Variants in TNFRSF1B observed in about 807,000 individuals in gnomAD.
TNFRSF1B encodes tumor necrosis factor receptor superfamily member 1B.
A neutral mutation model predicts 44.6 loss-of-function variants in TNFRSF1B; 19 were observed. The observed-to-expected ratio is 0.43, with a 90% confidence interval of 0.30 to 0.62. The LOEUF is 0.62. Among genes scored for constraint, TNFRSF1B ranks in the 20% least tolerant of loss-of-function variants. The probability of loss-of-function intolerance (pLI) is 0.16; values close to 1 mark genes in which losing one functional copy is unlikely to be tolerated. For synonymous variants in TNFRSF1B, 252 were observed against 261.1 expected, an observed-to-expected ratio of 0.97 and a Z score of 0.34; for missense variants, 541 against 619.9, an observed-to-expected ratio of 0.87 and a Z score of 1.35.
At position 12,188,886 on chromosome 1, in the gene TNFRSF1B, T is replaced by C. The variant is rs1332720561; in HGVS notation, c.169T>C (p.Cys57Arg). Residue 57 changes from cysteine to arginine, a missense_variant, in exon 2 of 10, where the codon TGC becomes CGC. By Grantham distance (180) the Cys-to-Arg change is radical. Transcript: ENST00000376259. ...DQTAQMCCSK[C>R]SPGQHAKVFC... Reference sequence around the variant, plus strand: ...GACAGCTCAGATGTGCTGCAGCAAATGCTCGCCGGGTGAGGGCAGCCACGG... The same window carrying C: ...GACAGCTCAGATGTGCTGCAGCAAACGCTCGCCGGGTGAGGGCAGCCACGG... 1.2e-6 allele frequency: 2 copies of C among 1,613,176 alleles called. No homozygotes were observed. The highest frequency in any genetic ancestry group is 8.5e-7 in the Non-Finnish European group (1 of 1,179,688).
Position 12,177,975 on chromosome 1 carries a change from A to G in TNFRSF1B, c.78+10806A>G, listed in dbSNP as rs1344466190. Reference sequence around the variant, plus strand: ...AGCACAGAGATTAACTGACGTACTTAGGGTTTTGCAGCTCACTAGAGGCAG... The same window carrying G: ...AGCACAGAGATTAACTGACGTACTTGGGGTTTTGCAGCTCACTAGAGGCAG... On this transcript the variant is annotated intron_variant, in intron 1 of 9. Transcript: ENST00000376259. This position sits in a 1 kb window ranked among gnomAD's most constrained non-coding sequence, Gnocchi z 4.3. Among the ~76,000 whole-genome samples, 1 of 152,122 alleles carries G rather than the reference A, an allele frequency of 6.6e-6. No individual in the cohort carries two copies. Among genetic ancestry groups the G allele is most frequent in the African/African-American group, 2.4e-5 (1 of 41,404 alleles).
chr1:12,172,775 A>G (rs537745072), intron 1 of TNFRSF1B, among the ~76,000 whole-genome samples: 2 of 152,236 alleles, frequency 1.3e-5, no homozygotes, highest in African/African-American at 2.4e-5. Context: ...CTGTGGGGTC[A>G]GGATATCCCC....
At chr1:12,188,690 C>G in intron 1 of TNFRSF1B, 106 bp from the exon 2 acceptor site, 7 of 1,036,130 alleles carry the variant, frequency 6.8e-6, no homozygotes, top group Non-Finnish European at 1.0e-5. Flanking sequence ...TCAGTGCAGA[C>G]TGGCAGGGGG....
At position 12,180,258 on chromosome 1, in the gene TNFRSF1B, G is replaced by A. The variant is rs1050354016; in HGVS notation, c.79-8538G>A. 2.3e-4 allele frequency among the ~76,000 whole-genome samples: 35 copies of A among 152,086 alleles called. No individual in the cohort carries two copies. The highest frequency in any genetic ancestry group is 8.2e-4 in the African/African-American group (34 of 41,412). On this transcript the variant is annotated intron_variant, in intron 1 of 9. Transcript: ENST00000376259. This position sits in a 1 kb window ranked among gnomAD's most constrained non-coding sequence, Gnocchi z 4.3. ...CAGTCTGGACAACATAGCAAGACCC[G>A]GTCTCTTTCTATAAATGAAAAAATA... is the stretch of plus-strand genomic sequence containing the variant.
chr1:12,198,325 A>T (rs1359404576), intron 8 of TNFRSF1B, among the ~76,000 whole-genome samples: 1 of 151,982 alleles, frequency 6.6e-6, no homozygotes, highest in Non-Finnish European at 1.5e-5. Flanking sequence ...GTCCCCCATT[A>T]TATGGCCCAA....
chr1:12,198,691 G>GTTGTTTTTTTTT (rs1553165108), intron 8 of TNFRSF1B, among the ~76,000 whole-genome samples: 8 of 85,630 alleles, frequency 9.3e-5, no homozygotes, highest in African/African-American at 3.7e-4. Context: ...CTGGAATTCT[G>GTTGTTTTTTTTT]TTTTTTTTTT....
intron 8 of TNFRSF1B, among the ~76,000 whole-genome samples, chr1:12,200,094 G>A (rs1639353424): frequency 6.6e-6 from 1 of 152,110 alleles, no homozygotes; most frequent in Non-Finnish European, 1.5e-5. Flanking sequence ...ATTTAGCCCA[G>A]CCACAGTATG....
At chr1:12,206,492 TC>T (rs973042628) in intron 9 of TNFRSF1B, among the ~76,000 whole-genome samples, 27 of 152,246 alleles carry the variant, frequency 1.8e-4, no homozygotes, top group Non-Finnish European at 2.8e-4. Context: ...AATTGGCTCC[TC>T]CCATCTCTGG....
intron 1 of TNFRSF1B, among the ~76,000 whole-genome samples, chr1:12,183,747 A>AGC (rs1557629238): frequency 0.013 from 1,614 of 124,898 alleles, 54 homozygotes; most frequent in African/African-American, 0.024. Flanking sequence ...CTATCTATCT[A>AGC]TCTAGCTAGC....
Position 12,188,779 on chromosome 1 carries a change from TC to T in TNFRSF1B, c.79-14del. 1.2e-6 allele frequency: 2 copies of T among 1,611,870 alleles called. No homozygotes were observed. Among genetic ancestry groups the T allele is most frequent in the Non-Finnish European group, 1.7e-6 (2 of 1,178,658 alleles). On this transcript the variant is annotated splice_polypyrimidine_tract_variant and intron_variant, in intron 1 of 9. Coordinates refer to ENST00000376259, the MANE Select transcript of TNFRSF1B (RefSeq NM_001066.3). ...GGGGCGGCCCTGTTGATGGCAGTCTTCCCTTCTTCCTTCCAGGTGGCATTTA... is the reference window on the plus strand; with the variant it reads ...GGGGCGGCCCTGTTGATGGCAGTCTTCCTTCTTCCTTCCAGGTGGCATTTA...
intron 1 of TNFRSF1B, among the ~76,000 whole-genome samples, chr1:12,173,697 T>C (rs976881): frequency 0.72 from 109,116 of 152,110 alleles, 39,398 homozygotes; most frequent in East Asian, 0.82. Flanking sequence ...CCTTTGTCGC[T>C]GGTAATGGGT....
chr1:12,200,722 A>C (rs538433435), intron 8 of TNFRSF1B, among the ~76,000 whole-genome samples: 1 of 152,250 alleles, frequency 6.6e-6, no homozygotes, highest in East Asian at 1.9e-4. Context: ...TCCCAGGTTC[A>C]AGCGATTCTC....
At chr1:12,185,588 G>T (rs1638967685) in intron 1 of TNFRSF1B, among the ~76,000 whole-genome samples, 1 of 152,184 alleles carries the variant, frequency 6.6e-6, no homozygotes, top group African/African-American at 2.4e-5. Context: ...CTCCAGACGG[G>T]GGTTACTTCT....
intron 7 of TNFRSF1B, 133 bp from the exon 8 acceptor site, chr1:12,194,451 T>C (rs1639221093): frequency 1.6e-5 from 14 of 883,916 alleles, no homozygotes; most frequent in Middle Eastern, 4.6e-4. Flanking sequence ...CTGTGGACCT[T>C]GTCTGGTAGG....
chr1:12,192,323 A>G, intron 4 of TNFRSF1B, 108 bp from the exon 5 acceptor site: 1 of 875,664 alleles, frequency 1.1e-6, no homozygotes, highest in Non-Finnish European at 1.9e-6. Context: ...GTGGAGGTGC[A>G]GACAGAGCTC....
intron 1 of TNFRSF1B, among the ~76,000 whole-genome samples, chr1:12,172,263 C>A (rs1000949533): frequency 1.3e-5 from 2 of 152,214 alleles, no homozygotes; most frequent in African/African-American, 4.8e-5. Context: ...ACTGATGACT[C>A]TGGGGAAAGG....
At position 12,208,139 on chromosome 1, in the gene TNFRSF1B, C is replaced by G. The variant is rs1237523207; in HGVS notation, c.*1119C>G. The stretch of plus-strand genomic sequence containing the variant: ...TCTGCCAGCCACATCCAACCCCCCA[C>G]CTGCCATTTGCACCCTCCGCCTTCA... On this transcript the variant is annotated 3_prime_UTR_variant, in exon 10 of 10. Coordinates refer to ENST00000376259, the MANE Select transcript of TNFRSF1B (RefSeq NM_001066.3). The G allele has an allele frequency of 6.5e-6, 1 of 153,102 alleles. No individual in the cohort carries two copies. Among genetic ancestry groups the G allele is most frequent in the Non-Finnish European group, 1.5e-5 (1 of 68,234 alleles). The allele number at this position is 153,102 out of a possible 1,614,324, so 9.5% of individuals were successfully genotyped here.
Position 12,187,097 on chromosome 1 carries a change from T to C in TNFRSF1B, c.79-1699T>C, listed in dbSNP as rs374747671. Among the ~76,000 whole-genome samples the C allele has an allele frequency of 3.6e-4, 55 of 151,418 alleles. 2 individuals are homozygous for C. Among genetic ancestry groups the C allele is most frequent in the African/African-American group, 8.5e-4 (35 of 41,252 alleles). ...CGAGAGAGGAGGGCTCTGCGTCTGC[T>C]CCTCTGTCCAGGGCTGTAGCTTCTC... On this transcript the variant is annotated intron_variant, in intron 1 of 9. Transcript: ENST00000376259. This position sits in a 1 kb window ranked among gnomAD's most constrained non-coding sequence, Gnocchi z 5.5.
rs78153821 is a variant in TNFRSF1B, at chr1:12,198,517, C to T, written c.901-3450C>T. Reference sequence around the variant, plus strand: ...CACGTGTGCACGCTTCACACCCTCACGCCTGTAGACACAGGTGTGTGAGCC... The same window carrying T: ...CACGTGTGCACGCTTCACACCCTCATGCCTGTAGACACAGGTGTGTGAGCC... On this transcript the variant is annotated intron_variant, in intron 8 of 9. Transcript: ENST00000376259. 7.7e-4 allele frequency among the ~76,000 whole-genome samples: 117 copies of T among 152,188 alleles called. No individual in the cohort carries two copies. The East Asian group carries it at 0.014, about 18-fold the overall frequency.
Sources: allele counts gnomAD v4.1 joint callset (sites outside exome capture counted in the v4.1 genomes callset), GRCh38; gene constraint gnomAD v4.1.1; non-coding constraint Gnocchi (gnomAD v3.1); transcripts MANE v1.5; gene names NCBI Gene and HGNC (gene_info 2026-07-23, HGNC 2026-07-21).